TEAD1: variants seen among roughly 807,000 people sequenced by gnomAD.
TEAD1 encodes the protein transcriptional enhancer factor TEF-1.
In TEAD1, 9 loss-of-function variants were observed where a neutral mutation model predicts 54.9. The ratio of observed to expected loss-of-function variants is 0.16; its 90% CI spans 0.10 to 0.29. TEAD1 has a LOEUF of 0.29. Ranked by LOEUF, TEAD1 falls within the 10% of genes least tolerant of loss-of-function variation. TEAD1 has a pLI of 1.00. For missense variants in TEAD1, 387 were observed against 535.9 expected, an observed-to-expected ratio of 0.72 and a Z score of 2.74; for synonymous variants, 200 against 187.8, an observed-to-expected ratio of 1.07 and a Z score of -0.53.
chr11:12,881,088 G>GCA, intron 7 of TEAD1, 37 bp downstream of exon 7: 1 of 1,611,462 alleles, frequency 6.2e-7, no homozygotes, highest in Admixed American at 1.7e-5. Context: ...ACAACTACGG[G>GCA]CTGGTCCCAG....
chr11:12,897,737 T>C (rs1211120317), intron 9 of TEAD1, among the ~76,000 whole-genome samples: 1 of 152,236 alleles, frequency 6.6e-6, no homozygotes, highest in African/African-American at 2.4e-5. Flanking sequence ...TCTGATGCAT[T>C]TGTGAATCAT....
chr11:12,799,186 G>A (rs1017983044), intron 3 of TEAD1, among the ~76,000 whole-genome samples: 3 of 152,296 alleles, frequency 2.0e-5, no homozygotes, highest in Admixed American at 1.3e-4. Context: ...AGTTCCAGGC[G>A]TTTATCTCAG....
chr11:12,886,770 A>G (rs1454319173), intron 9 of TEAD1, among the ~76,000 whole-genome samples: 3 of 151,984 alleles, frequency 2.0e-5, no homozygotes, highest in Admixed American at 2.0e-4. Flanking sequence ...AGCTGGGACT[A>G]CAGTTATGCA....
At chr11:12,858,154 C>G (rs986734903) in intron 3 of TEAD1, among the ~76,000 whole-genome samples, 1 of 152,114 alleles carries the variant, frequency 6.6e-6, no homozygotes, top group Non-Finnish European at 1.5e-5. Flanking sequence ...GTATCAGGGC[C>G]GCTGACAAGA....
At chr11:12,873,332 A>G (rs951496456) in intron 5 of TEAD1, among the ~76,000 whole-genome samples, 1 of 152,190 alleles carries the variant, frequency 6.6e-6, no homozygotes, top group African/African-American at 2.4e-5. Flanking sequence ...CCTAAATCCC[A>G]GGCTTCCTGG....
intron 2 of TEAD1, among the ~76,000 whole-genome samples, chr11:12,736,656 C>G (rs1944538419): frequency 6.6e-6 from 1 of 152,120 alleles, no homozygotes. Context: ...TTATATGAAA[C>G]TTAATGGCCT....
chr11:12,902,575 G>T (rs1055632892), intron 10 of TEAD1, among the ~76,000 whole-genome samples: 4 of 152,148 alleles, frequency 2.6e-5, no homozygotes, highest in African/African-American at 9.7e-5. Context: ...AGTCAGCCTT[G>T]GGCCAGGGGA....
At chr11:12,745,794 C>T (rs1944735598) in intron 2 of TEAD1, among the ~76,000 whole-genome samples, 1 of 151,106 alleles carries the variant, frequency 6.6e-6, no homozygotes, top group Non-Finnish European at 1.5e-5. Flanking sequence ...ATTTTTTTGT[C>T]CATCTACCTT....
chr11:12,687,891 G>T (rs1471495188), intron 2 of TEAD1, among the ~76,000 whole-genome samples: 1 of 152,146 alleles, frequency 6.6e-6, no homozygotes, highest in African/African-American at 2.4e-5. Flanking sequence ...ACTCCTCCGG[G>T]CCAGGCTAAT....
chr11:12,759,676 C>A (rs2133919671), intron 2 of TEAD1, among the ~76,000 whole-genome samples: 1 of 152,254 alleles, frequency 6.6e-6, no homozygotes, highest in African/African-American at 2.4e-5. Flanking sequence ...GCCTGGCCAA[C>A]ATGGTGAAAC....
In TEAD1 at chr11:12,935,648, C is replaced by T. The variant is rs531110843; in HGVS notation, c.1168-1461C>T. On this transcript the variant is annotated intron_variant, in intron 12 of 12. Transcript: ENST00000527636. Reference sequence around the variant, plus strand: ...CTAATTTTTGTGTTTTTAGTAGAGACGGGGTTTCACAGTGTTGGCCAGGCG... The same window carrying T: ...CTAATTTTTGTGTTTTTAGTAGAGATGGGGTTTCACAGTGTTGGCCAGGCG... Among the ~76,000 whole-genome samples, 187 of 152,092 alleles carry T rather than the reference C, an allele frequency of 1.2e-3. 1 individual carries two copies. Among genetic ancestry groups the T allele is most frequent in the African/African-American group, 4.4e-3 (183 of 41,480 alleles).
chr11:12,826,629 T>C (rs1168949741), intron 3 of TEAD1, among the ~76,000 whole-genome samples: 1 of 152,242 alleles, frequency 6.6e-6, no homozygotes, highest in Non-Finnish European at 1.5e-5. Flanking sequence ...AAACCTTGGG[T>C]CAGTTACTTA....
intron 12 of TEAD1, among the ~76,000 whole-genome samples, chr11:12,931,778 T>TAA (rs35440397): frequency 2.6e-5 from 4 of 151,436 alleles, no homozygotes; most frequent in East Asian, 3.9e-4. Flanking sequence ...CACCATTGTA[T>TAA]AAAAAAAAAT....
At chr11:12,868,391 C>A (rs1243458786) in intron 5 of TEAD1, among the ~76,000 whole-genome samples, 2 of 152,142 alleles carry the variant, frequency 1.3e-5, no homozygotes, top group African/African-American at 4.8e-5. Context: ...CAGAGAGCTC[C>A]TGTGTCCCAT....
At chr11:12,851,946 G>A (rs1404219654) in intron 3 of TEAD1, among the ~76,000 whole-genome samples, 2 of 152,216 alleles carry the variant, frequency 1.3e-5, no homozygotes, top group Non-Finnish European at 2.9e-5. Context: ...TGGCAGTGCA[G>A]CAGTAGCAGG....
chr11:12,799,753 C>T (rs981948246), intron 3 of TEAD1, among the ~76,000 whole-genome samples: 21 of 152,136 alleles, frequency 1.4e-4, no homozygotes, highest in African/African-American at 3.4e-4. Flanking sequence ...CAAGCTGTTA[C>T]GCTGCTTGTA....
chr11:12,872,913 A>G (rs893997200), intron 5 of TEAD1, among the ~76,000 whole-genome samples: 3 of 152,200 alleles, frequency 2.0e-5, no homozygotes, highest in Non-Finnish European at 4.4e-5. Context: ...AAGTACTTGA[A>G]GCAGTCCTGA....
At chr11:12,762,217 C>CT (rs1172753300) in intron 2 of TEAD1, among the ~76,000 whole-genome samples, 2 of 151,984 alleles carry the variant, frequency 1.3e-5, no homozygotes, top group African/African-American at 4.8e-5. Flanking sequence ...TTGTTTTTGT[C>CT]TTTTTTTGTT....
chr11:12,743,036 G>C (rs1944676755), intron 2 of TEAD1, among the ~76,000 whole-genome samples: 1 of 152,140 alleles, frequency 6.6e-6, no homozygotes, highest in African/African-American at 2.4e-5. Context: ...GCACCTTCTT[G>C]GTTTTCAGAG....
Sources: allele counts gnomAD v4.1 joint callset (sites outside exome capture counted in the v4.1 genomes callset), GRCh38; gene constraint gnomAD v4.1.1; transcripts MANE v1.5; gene names NCBI Gene and HGNC (gene_info 2026-07-23, HGNC 2026-07-21).